SPMIP4: variants seen among roughly 807,000 people sequenced by gnomAD.
The protein encoded by SPMIP4 is sperm-associated microtubule inner protein 4.
chr7:25,166,755 G>T, the SPMIP4 span, among the ~76,000 whole-genome samples: 1 of 151,994 alleles, frequency 6.6e-6, no homozygotes, highest in African/African-American at 2.4e-5. Context: ...TTAGCTGGGC[G>T]TGGTGGCACA....
chr7:25,173,326 G>C, the SPMIP4 span, among the ~76,000 whole-genome samples: 1 of 152,188 alleles, frequency 6.6e-6, no homozygotes, highest in Non-Finnish European at 1.5e-5. The surrounding 1 kb of genome is among the most constrained non-coding windows in gnomAD (Gnocchi z 4.4). Flanking sequence ...GCAAAGCATG[G>C]CCCATGGGCC....
the SPMIP4 span, among the ~76,000 whole-genome samples, chr7:25,149,130 G>A: frequency 6.6e-6 from 1 of 152,208 alleles, no homozygotes; most frequent in Non-Finnish European, 1.5e-5. Context: ...ATTCTGTATG[G>A]AGAAATCTTT....
At chr7:25,138,619 A>G in the SPMIP4 span, among the ~76,000 whole-genome samples, 6 of 152,254 alleles carry the variant, frequency 3.9e-5, no homozygotes, top group Admixed American at 6.5e-5. This position sits in a 1 kb window ranked among gnomAD's most constrained non-coding sequence, Gnocchi z 6.2. Context: ...ATAATCAAAA[A>G]GAGAGAAATA....
chr7:25,135,830 T>G, the SPMIP4 span: 7 of 1,387,528 alleles, frequency 5.0e-6, no homozygotes, highest in Middle Eastern at 2.1e-4. Context: ...AGATACTAAC[T>G]TAAATTCCTG....
chr7:25,168,204 A>AT, the SPMIP4 span: 1 of 1,194,264 alleles, frequency 8.4e-7, no homozygotes, highest in South Asian at 1.4e-5. Context: ...TTGAAGACAG[A>AT]TTTAAGCAAA....
At chr7:25,162,890 G>A in the SPMIP4 span, among the ~76,000 whole-genome samples, 6 of 152,136 alleles carry the variant, frequency 3.9e-5, no homozygotes, top group South Asian at 1.2e-3. Flanking sequence ...TCCCGCCTCA[G>A]CCTCCTGAGT....
the SPMIP4 span, among the ~76,000 whole-genome samples, chr7:25,152,589 C>G: frequency 6.6e-6 from 1 of 152,124 alleles, no homozygotes; most frequent in East Asian, 1.9e-4. Context: ...TTGTCCACAT[C>G]TCAAAGGTAG....
chr7:25,161,397 T>C, the SPMIP4 span: 9 of 430,390 alleles, frequency 2.1e-5, no homozygotes, highest in Admixed American at 2.9e-4. Context: ...TGTCATTTTA[T>C]TTATTATTAT....
At chr7:25,134,755 C>T in the SPMIP4 span, 4 of 985,148 alleles carry the variant, frequency 4.1e-6, no homozygotes, top group Non-Finnish European at 4.8e-6. Context: ...CAGTGATCTA[C>T]TCTGTGATAA....
At chr7:25,147,537 G>C in the SPMIP4 span, among the ~76,000 whole-genome samples, 1,416 of 152,220 alleles carry the variant, frequency 9.3e-3, 15 homozygotes, top group Middle Eastern at 0.031. Context: ...AGGGGCGTCT[G>C]ATCTCAGTAG....
At chr7:25,175,776 G>C in the SPMIP4 span, among the ~76,000 whole-genome samples, 1 of 152,132 alleles carries the variant, frequency 6.6e-6, no homozygotes, top group African/African-American at 2.4e-5. Context: ...GGGAGCCACG[G>C]ACCCTGCACT....
the SPMIP4 span, among the ~76,000 whole-genome samples, chr7:25,164,326 T>C: frequency 6.6e-6 from 1 of 152,184 alleles, no homozygotes; most frequent in Non-Finnish European, 1.5e-5. Flanking sequence ...AATGATGTGG[T>C]AATTTTGGGC....
chr7:25,144,810 T>C, the SPMIP4 span, among the ~76,000 whole-genome samples: 3 of 152,228 alleles, frequency 2.0e-5, no homozygotes, highest in Admixed American at 6.5e-5. Context: ...CCATTTTACA[T>C]ATACAGTAAT....
At chr7:25,149,024 G>A in the SPMIP4 span, among the ~76,000 whole-genome samples, 1 of 152,174 alleles carries the variant, frequency 6.6e-6, no homozygotes, top group Non-Finnish European at 1.5e-5. Flanking sequence ...ATTTGAACAC[G>A]GTTTGAACAG....
the SPMIP4 span, among the ~76,000 whole-genome samples, chr7:25,152,744 C>G: frequency 8.0e-6 from 1 of 124,556 alleles, no homozygotes; most frequent in East Asian, 2.7e-4. Flanking sequence ...CCTTCGTTGT[C>G]TCTCTTTTTT....
chr7:25,177,103 A>G, the SPMIP4 span, among the ~76,000 whole-genome samples: 2 of 152,238 alleles, frequency 1.3e-5, no homozygotes, highest in African/African-American at 2.4e-5. Flanking sequence ...TTCACATTAG[A>G]AAGAAAATGA....
At chr7:25,176,170 G>C in the SPMIP4 span, among the ~76,000 whole-genome samples, 2 of 152,330 alleles carry the variant, frequency 1.3e-5, no homozygotes, top group Non-Finnish European at 1.5e-5. The surrounding 1 kb of genome is among the most constrained non-coding windows in gnomAD (Gnocchi z 4.4). Context: ...TTTCATGCCA[G>C]TTAAGGGTTT....
At chr7:25,142,778 A>G in the SPMIP4 span, 1 of 1,574,486 alleles carries the variant, frequency 6.4e-7, no homozygotes, top group South Asian at 1.2e-5. Context: ...GGTTTTGGGT[A>G]GAATACTGGC....
the SPMIP4 span, among the ~76,000 whole-genome samples, chr7:25,166,561 T>C: frequency 2.4e-3 from 369 of 151,940 alleles, 2 homozygotes; most frequent in African/African-American, 8.5e-3. Flanking sequence ...CACTCGAGCC[T>C]GGGCAACACA....
Sources: gnomAD v4.1 joint callset for allele counts (sites outside exome capture counted in the v4.1 genomes callset) on GRCh38, gnomAD v4.1.1 for gene constraint, Gnocchi (gnomAD v3.1) non-coding constraint, MANE v1.5 for transcripts, NCBI Gene and HGNC (gene_info 2026-07-23, HGNC 2026-07-21) for gene names.